Variants in SNX29 observed in about 807,000 individuals in gnomAD.
SNX29 encodes sorting nexin-29.
In SNX29, 78 loss-of-function variants were observed where a neutral mutation model predicts 102.1. That is an observed-to-expected ratio of 0.76 (90% CI 0.64 to 0.92). SNX29 has a LOEUF of 0.92. Among genes scored for constraint, SNX29 ranks in the 40% least tolerant of loss-of-function variants. SNX29 has a pLI of 0.00. For synonymous variants in SNX29, 580 were observed against 414.5 expected (o/e 1.40, Z -4.85); for missense variants, 1,280 against 1,061.7 (o/e 1.21, Z -2.86).
intron 20 of SNX29, chr16:12,557,360 C>G (rs2078433615): frequency 6.6e-6 from 1 of 152,180 alleles, no homozygotes; most frequent in Admixed American, 6.6e-5. Context: ...GGTGGAGATG[C>G]TGAATGGTTG....
At position 12,569,785 on chromosome 16, in the gene SNX29, C is replaced by G. The variant is rs868520723; in HGVS notation, c.*1156C>G. 4.3e-6 allele frequency: 1 copy of G among 230,226 alleles called. No homozygotes were observed. The highest frequency in any genetic ancestry group is 8.6e-6 in the Non-Finnish European group (1 of 116,210). 14.3% of individuals were successfully genotyped at this position (230,226 alleles called of 1,614,324 possible). A position where few individuals can be genotyped will look rare whatever the true frequency, so the allele number is the denominator to read the frequency against. On this transcript the variant is annotated 3_prime_UTR_variant, in exon 21 of 21. Coordinates refer to ENST00000566228, the MANE Select transcript of SNX29 (RefSeq NM_032167.5). ...ATCAGAGCACCTCACAGAGCAATAG[C>G]CGTCCTCAGATGCTCAGCAAAGTTG...
At chr16:12,399,168 A>C (rs1032537366) in intron 17 of SNX29, among the ~76,000 whole-genome samples, 1 of 152,156 alleles carries the variant, frequency 6.6e-6, no homozygotes, top group African/African-American at 2.4e-5. Flanking sequence ...CTCCTGCCTC[A>C]GCCTTCCAAG....
At chr16:12,476,093 G>T (rs1442361184) in intron 18 of SNX29, among the ~76,000 whole-genome samples, 1 of 151,848 alleles carries the variant, frequency 6.6e-6, no homozygotes, top group South Asian at 2.1e-4. Context: ...GGCCAAGGCA[G>T]GCAGATCATC....
At chr16:12,144,509 A>G (rs906771894) in intron 13 of SNX29, among the ~76,000 whole-genome samples, 2 of 152,168 alleles carry the variant, frequency 1.3e-5, no homozygotes, top group Non-Finnish European at 2.9e-5. Context: ...GGTGCGATTC[A>G]TGCTGTTATA....
rs1283094808 is a variant in SNX29 at position 12,366,036 on chromosome 16, T to TG, written c.1899+9757_1899+9758insG. Among the ~76,000 whole-genome samples the TG allele has an allele frequency of 2.5e-3, 233 of 92,892 alleles. 3 individuals are homozygous for TG. The highest frequency in any genetic ancestry group is 0.011 in the African/African-American group (221 of 20,118). The allele number at this position is 92,892 out of a possible 152,430, so 60.9% of individuals were successfully genotyped here. A position where few individuals can be genotyped will look rare whatever the true frequency, so the allele number is the denominator to read the frequency against. ...CAGCCTGGGCGTCAGAGTGAGACTC[T>TG]TGTCTCAAAAAAAAAAAAAAAAAAA... On this transcript the variant is annotated intron_variant, in intron 16 of 20. Transcript: ENST00000566228.
chr16:12,513,386 C>G lies in SNX29; in HGVS notation c.2179-11316C>G, dbSNP rs553018732. Among the ~76,000 whole-genome samples the G allele has an allele frequency of 4.6e-5, 7 of 151,772 alleles. No individual in the cohort carries two copies. In the East Asian group the frequency reaches 5.8e-4, roughly 13 times the overall value. ...CAGCCTTCCTCTGCCCTGCCCTGCT[C>G]TCCCTTCCCCTCCCCTCTACTCAGT... On this transcript the variant is annotated intron_variant, in intron 19 of 20. Transcript: ENST00000566228.
At chr16:12,156,564 G>A (rs2055558800) in intron 13 of SNX29, among the ~76,000 whole-genome samples, 1 of 152,342 alleles carries the variant, frequency 6.6e-6, no homozygotes, top group East Asian at 1.9e-4. Context: ...CAATGAAGGT[G>A]GATATGGGGC....
intron 17 of SNX29, among the ~76,000 whole-genome samples, chr16:12,399,390 A>G (rs2083849741): frequency 6.6e-6 from 1 of 152,096 alleles, no homozygotes; most frequent in South Asian, 2.1e-4. Context: ...GGACAAATAG[A>G]TCCCTTAGGC....
intron 13 of SNX29, among the ~76,000 whole-genome samples, chr16:12,154,675 A>G (rs1047059604): frequency 6.6e-6 from 1 of 152,202 alleles, no homozygotes; most frequent in African/African-American, 2.4e-5. Flanking sequence ...TGGGTGGCTT[A>G]TAAACAACAA....
chr16:12,565,526 A>G (rs910878764), intron 20 of SNX29, among the ~76,000 whole-genome samples: 1 of 152,066 alleles, frequency 6.6e-6, no homozygotes, highest in Non-Finnish European at 1.5e-5. Context: ...TCTGCTCCAC[A>G]TGGCCTCGAG....
At chr16:12,117,583 A>T (rs1448929931) in intron 11 of SNX29, among the ~76,000 whole-genome samples, 2 of 152,204 alleles carry the variant, frequency 1.3e-5, no homozygotes, top group Admixed American at 1.3e-4. Context: ...ATTCATAGAG[A>T]CGCAATGTGG....
chr16:12,282,973 C>G (rs1166982901), intron 15 of SNX29, among the ~76,000 whole-genome samples: 1 of 152,132 alleles, frequency 6.6e-6, no homozygotes, highest in Non-Finnish European at 1.5e-5. Context: ...TAAGTCTTAA[C>G]TAGAGCTCAG....
At chr16:12,001,525 TATA>T (rs1439947491) in intron 2 of SNX29, among the ~76,000 whole-genome samples, 2 of 152,174 alleles carry the variant, frequency 1.3e-5, no homozygotes, top group Non-Finnish European at 2.9e-5. Flanking sequence ...ATAATTTACA[TATA>T]ATAAAATATA....
At chr16:12,061,753 C>A (rs984785329) in intron 9 of SNX29, 107 bp downstream of exon 9, 5 of 947,610 alleles carry the variant, frequency 5.3e-6, no homozygotes, top group South Asian at 3.1e-5. Context: ...CCGGGAGGCA[C>A]GGGAGTCGGG....
intron 14 of SNX29, among the ~76,000 whole-genome samples, chr16:12,215,206 A>G (rs1005223533): frequency 3.3e-5 from 5 of 152,132 alleles, no homozygotes; most frequent in Admixed American, 2.6e-4. Flanking sequence ...TAGAAAGGTC[A>G]GAGACCGGCT....
chr16:12,571,352 C>T lies in SNX29; in HGVS notation c.*2723C>T, dbSNP rs577529866. The T allele has an allele frequency of 1.9e-4, 44 of 231,290 alleles. No homozygotes were observed. The highest frequency in any genetic ancestry group is 8.4e-4 in the African/African-American group (38 of 45,314). 14.3% of individuals were successfully genotyped at this position (231,290 alleles called of 1,614,324 possible). On this transcript the variant is annotated 3_prime_UTR_variant, in exon 21 of 21. Coordinates refer to ENST00000566228, the MANE Select transcript of SNX29 (RefSeq NM_032167.5). Reference sequence around the variant, plus strand: ...GGATTCAATTCTGAGGGCTAAGCCACGACCTTATCCATGAGTGGCGAAGAC... The same window carrying T: ...GGATTCAATTCTGAGGGCTAAGCCATGACCTTATCCATGAGTGGCGAAGAC...
chr16:12,559,834 TC>T (rs2078614451), intron 20 of SNX29, among the ~76,000 whole-genome samples: 1 of 152,174 alleles, frequency 6.6e-6, no homozygotes, highest in African/African-American at 2.4e-5. Context: ...TCTCTGGCAT[TC>T]TAATGCCAGA....
At chr16:12,514,041 G>T (rs7205000) in intron 19 of SNX29, among the ~76,000 whole-genome samples, 1 of 152,218 alleles carries the variant, frequency 6.6e-6, no homozygotes, top group African/African-American at 2.4e-5. Flanking sequence ...TGGATTTGCC[G>T]TGGATTGCGG....
intron 3 of SNX29, among the ~76,000 whole-genome samples, chr16:12,020,221 C>T (rs1434306410): frequency 6.6e-6 from 1 of 152,016 alleles, no homozygotes; most frequent in African/African-American, 2.4e-5. Context: ...TTCCTGGGCT[C>T]AAGCAACCCT....
Sources: gnomAD v4.1 joint callset for allele counts (sites outside exome capture counted in the v4.1 genomes callset) on GRCh38, gnomAD v4.1.1 for gene constraint, MANE v1.5 for transcripts, NCBI Gene and HGNC (gene_info 2026-07-23, HGNC 2026-07-21) for gene names.